COL8A1: variants seen among roughly 807,000 people sequenced by gnomAD.
COL8A1 encodes the protein collagen alpha-1(VIII) chain.
Under a neutral mutation model 42.7 loss-of-function variants are expected in COL8A1, and 21 were observed. The observed-to-expected ratio is 0.49, with a 90% CI of 0.35 to 0.71. COL8A1 has a LOEUF of 0.71. Among genes scored for constraint, COL8A1 ranks in the 30% least tolerant of loss-of-function variants. The pLI is 0.01. For synonymous variants in COL8A1, 367 were observed against 369.1 expected (o/e 0.99, Z 0.06); for missense variants, 788 against 962.4 (o/e 0.82, Z 2.40).
At chr3:99,706,245 C>A (rs767487970) in intron 1 of COL8A1, among the ~76,000 whole-genome samples, 75 of 152,142 alleles carry the variant, frequency 4.9e-4, no homozygotes, top group Non-Finnish European at 8.4e-4. Context: ...ATAGTGTGAA[C>A]TTTTGACAGT....
intron 1 of COL8A1, among the ~76,000 whole-genome samples, chr3:99,668,477 G>T (rs1938432467): frequency 6.6e-6 from 1 of 151,850 alleles, no homozygotes; most frequent in Non-Finnish European, 1.5e-5. Flanking sequence ...AAATATACCA[G>T]ACTTAAAAAG....
chr3:99,656,081 T>C (rs1938012603), intron 1 of COL8A1, among the ~76,000 whole-genome samples: 1 of 152,236 alleles, frequency 6.6e-6, no homozygotes, highest in Non-Finnish European at 1.5e-5. Context: ...TTTGGTAGCA[T>C]CTTTTAAAAA....
intron 1 of COL8A1, among the ~76,000 whole-genome samples, chr3:99,724,744 A>G (rs1300153492): frequency 6.6e-6 from 1 of 152,068 alleles, no homozygotes; most frequent in Non-Finnish European, 1.5e-5. Flanking sequence ...TTAGGTTTTC[A>G]GAGAACAAAA....
chr3:99,732,700 TG>T (rs1380786305), intron 1 of COL8A1, among the ~76,000 whole-genome samples: 3 of 152,080 alleles, frequency 2.0e-5, no homozygotes, highest in African/African-American at 7.2e-5. Flanking sequence ...CCAAATCTCA[TG>T]TCCTCACATT....
intron 1 of COL8A1, among the ~76,000 whole-genome samples, chr3:99,657,322 C>A (rs947691549): frequency 6.6e-6 from 1 of 152,266 alleles, no homozygotes; most frequent in East Asian, 1.9e-4. Context: ...GGTGTTAACT[C>A]ATTTATTAGA....
At chr3:99,713,556 T>C (rs764734999) in intron 1 of COL8A1, among the ~76,000 whole-genome samples, 1 of 152,084 alleles carries the variant, frequency 6.6e-6, no homozygotes. Flanking sequence ...CAAGGTTACT[T>C]GAAACCTGCA....
At chr3:99,650,082 T>TTGTTATAGAA (rs1478739871) in intron 1 of COL8A1, among the ~76,000 whole-genome samples, 4 of 152,134 alleles carry the variant, frequency 2.6e-5, no homozygotes, top group Non-Finnish European at 5.9e-5. Context: ...TTCACCTCCC[T>TTGTTATAGAA]CAAGTCTATA....
chr3:99,763,655 C>G (rs1319134940), intron 2 of COL8A1, among the ~76,000 whole-genome samples: 1 of 152,062 alleles, frequency 6.6e-6, no homozygotes, highest in African/African-American at 2.4e-5. Flanking sequence ...TCCCTAAAGT[C>G]ATGTAGGTAA....
chr3:99,709,494 A>C (rs1559785399), intron 1 of COL8A1, among the ~76,000 whole-genome samples: 1 of 152,196 alleles, frequency 6.6e-6, no homozygotes, highest in Non-Finnish European at 1.5e-5. Context: ...GTTGGTGCTC[A>C]ATAAATATTT....
At chr3:99,700,449 C>T (rs1939504258) in intron 1 of COL8A1, among the ~76,000 whole-genome samples, 1 of 152,124 alleles carries the variant, frequency 6.6e-6, no homozygotes, top group Non-Finnish European at 1.5e-5. Context: ...CACCCTCACG[C>T]TCTTCTGGCC....
chr3:99,757,355 C>T (rs1941273955), intron 2 of COL8A1, among the ~76,000 whole-genome samples: 1 of 152,114 alleles, frequency 6.6e-6, no homozygotes, highest in African/African-American at 2.4e-5. Flanking sequence ...TCTTGTTGAC[C>T]ATTCATGACA....
At chr3:99,655,295 G>A (rs2107294541) in intron 1 of COL8A1, among the ~76,000 whole-genome samples, 1 of 152,276 alleles carries the variant, frequency 6.6e-6, no homozygotes, top group Non-Finnish European at 1.5e-5. Context: ...CAAAAAGCTA[G>A]CAAGTCAGCT....
chr3:99,738,729 C>T (rs1191514929), intron 1 of COL8A1, among the ~76,000 whole-genome samples: 4 of 128,326 alleles, frequency 3.1e-5, no homozygotes, highest in Admixed American at 2.4e-4. Context: ...AGGCAGGCCT[C>T]CTTGAGCTGT....
intron 1 of COL8A1, among the ~76,000 whole-genome samples, chr3:99,734,022 T>A (rs540900682): frequency 6.6e-6 from 1 of 152,136 alleles, no homozygotes; most frequent in Admixed American, 6.5e-5. Flanking sequence ...TAAATTTGTT[T>A]GAGTTCATTG....
intron 2 of COL8A1, among the ~76,000 whole-genome samples, chr3:99,777,248 T>C (rs908448985): frequency 6.6e-6 from 1 of 152,176 alleles, no homozygotes; most frequent in Admixed American, 6.5e-5. Flanking sequence ...GGGGGAATCT[T>C]TTCCTCAATA....
At chr3:99,788,649 C>T (rs1941941393) in intron 2 of COL8A1, among the ~76,000 whole-genome samples, 1 of 152,066 alleles carries the variant, frequency 6.6e-6, no homozygotes, top group Non-Finnish European at 1.5e-5. Context: ...AGGGAACATC[C>T]AAGTCATATT....
At chr3:99,745,206 A>C (rs1186678922) in intron 2 of COL8A1, among the ~76,000 whole-genome samples, 185 bp downstream of exon 2, 1 of 152,182 alleles carries the variant, frequency 6.6e-6, no homozygotes, top group Non-Finnish European at 1.5e-5. Context: ...TACTAATATT[A>C]GGTTTTCAAA....
chr3:99,736,617 TC>T (rs1940726510), intron 1 of COL8A1, among the ~76,000 whole-genome samples: 1 of 152,114 alleles, frequency 6.6e-6, no homozygotes, highest in African/African-American at 2.4e-5. Context: ...TAATTTCTGT[TC>T]TTTTACATTT....
rs759966906 is a variant in COL8A1 at position 99,795,547 on chromosome 3, C to T, written c.1646C>T (p.Ala549Val). 1 of 1,607,648 alleles carries T rather than the reference C, an allele frequency of 6.2e-7. No homozygotes were observed. Among genetic ancestry groups the T allele is most frequent in the Admixed American group, 1.7e-5 (1 of 59,678 alleles). Reference sequence around the variant, plus strand: ...CATGGCCCCCCAGGGAAGCCTGGTGCCCTTGGTCCTCAAGGCCAGCCTGGC... The same window carrying T: ...CATGGCCCCCCAGGGAAGCCTGGTGTCCTTGGTCCTCAAGGCCAGCCTGGC... ...GLHGPPGKPG[A>V]LGPQGQPGLP... Residue 549 changes from alanine to valine, a missense_variant, in exon 4 of 4, where the codon GCC (alanine) becomes GTC (valine). Physicochemically the swap from Ala to Val is moderately conservative, Grantham distance 64. This residue lies in a region of COL8A1 where 154 missense variants were observed against 182.3 expected (regional missense o/e 0.84). Coordinates refer to ENST00000652472, the MANE Select transcript of COL8A1 (RefSeq NM_020351.4).
Sources: allele counts gnomAD v4.1 joint callset (sites outside exome capture counted in the v4.1 genomes callset), GRCh38; gene constraint gnomAD v4.1.1; regional missense constraint gnomAD v4.1.1; transcripts MANE v1.5; gene names NCBI Gene and HGNC (gene_info 2026-07-23, HGNC 2026-07-21).